The following DAB1 variants were observed in gnomAD, a reference collection of about 807,000 sequenced individuals.
The protein encoded by DAB1 is DAB adaptor protein 1, also known as disabled homolog 1.
Under a neutral mutation model 64.6 loss-of-function variants are expected in DAB1, and 15 were observed. The observed-to-expected ratio is 0.23, with a 90% confidence interval of 0.16 to 0.36. The LOEUF is 0.36. Ranked by LOEUF, DAB1 falls within the 10% of genes least tolerant of loss-of-function variation. The probability of loss-of-function intolerance (pLI) is 1.00; values close to 1 mark genes in which losing one functional copy is unlikely to be tolerated. For missense variants in DAB1, 596 were observed against 706.7 expected (o/e 0.84, Z 1.78); for synonymous variants, 235 against 251.9 (o/e 0.93, Z 0.64).
chr1:57,614,755 G>A (rs746186437), intron 7 of DAB1, among the ~76,000 whole-genome samples: 2 of 151,790 alleles, frequency 1.3e-5, no homozygotes, highest in Non-Finnish European at 2.9e-5. Flanking sequence ...TAGGGCTAGC[G>A]ACCACTGGTT....
In DAB1 at chr1:57,929,955, G is replaced by A. The variant is rs149070847; in HGVS notation, n.388-45793C>T. ...TGCCCTTCCCAATATTCCACACTGG[G>A]GACTAAATTTCAACTTGAGGTTTGG... On this transcript the variant is annotated intron_variant and non_coding_transcript_variant, in intron 5 of 20. Coordinates refer to the DAB1 transcript ENST00000485760. Among the ~76,000 whole-genome samples the A allele has an allele frequency of 2.0e-5, 3 of 152,120 alleles. No homozygotes were observed. In the East Asian group the frequency reaches 5.8e-4, roughly 29 times the overall value.
At chr1:57,559,376 C>A (rs1375059464) in intron 7 of DAB1, among the ~76,000 whole-genome samples, 2 of 152,202 alleles carry the variant, frequency 1.3e-5, no homozygotes, top group Admixed American at 6.5e-5. Flanking sequence ...GAGGCCGGGT[C>A]CCCTTGAGGA....
In DAB1 at chr1:57,818,226, A is replaced by G. The variant is rs577817404; in HGVS notation, n.551+65773T>C. The stretch of plus-strand genomic sequence containing the variant: ...AGGCATTTGGAAATAGAAATATCAA[A>G]ATGATTGAGTAAGATATAAAAATGC... On this transcript the variant is annotated intron_variant and non_coding_transcript_variant, in intron 6 of 20. Transcript: ENST00000485760. Among the ~76,000 whole-genome samples the G allele has an allele frequency of 2.6e-5, 4 of 152,314 alleles. No homozygotes were observed. The East Asian group carries it at 5.8e-4, about 22-fold the overall frequency.
At chr1:57,125,086 A>T (rs1295504762) in intron 4 of DAB1, among the ~76,000 whole-genome samples, 2 of 152,214 alleles carry the variant, frequency 1.3e-5, no homozygotes, top group Admixed American at 1.3e-4. Context: ...AGAAGATTTG[A>T]CAACCCCAAG....
intron 3 of DAB1, among the ~76,000 whole-genome samples, chr1:58,421,980 G>T (rs1198059917): frequency 1.3e-5 from 2 of 150,746 alleles, no homozygotes; most frequent in African/African-American, 2.4e-5. Context: ...TTCTCTTTGG[G>T]TGCTATTAAG....
intron 6 of DAB1, among the ~76,000 whole-genome samples, chr1:57,742,114 C>T (rs901494098): frequency 1.3e-5 from 2 of 152,028 alleles, no homozygotes; most frequent in Admixed American, 6.5e-5. Context: ...CCTTATATGA[C>T]CCTTAGATGA....
intron 2 of DAB1, among the ~76,000 whole-genome samples, chr1:57,252,977 A>G (rs1669466031): frequency 6.6e-6 from 1 of 152,248 alleles, no homozygotes; most frequent in Admixed American, 6.5e-5. Context: ...AGAGGCCAGC[A>G]GTCCATACAA....
At chr1:57,071,668 C>A (rs1230622135) in intron 5 of DAB1, 27 bp from the exon 6 acceptor site, 3 of 1,609,404 alleles carry the variant, frequency 1.9e-6, no homozygotes, top group South Asian at 2.2e-5. Flanking sequence ...TAAGGCACAT[C>A]ATAAGGGAAT....
Position 57,072,351 on chromosome 1 carries a change from G to C in DAB1, c.370C>G (p.Arg124Gly). 1 of 1,613,812 alleles carries C rather than the reference G, an allele frequency of 6.2e-7. No individual in the cohort carries two copies. Among genetic ancestry groups the C allele is most frequent in the Non-Finnish European group, 8.5e-7 (1 of 1,179,780 alleles). The change falls in exon 5 of 15, where the codon CGG (arginine) becomes GGG (glycine). Residue 124 changes from arginine to glycine, a missense_variant. This residue lies in a region of DAB1 where 176 missense variants were observed against 266.7 expected (regional missense o/e 0.66). Coordinates refer to ENST00000371236, the MANE Select transcript of DAB1 (RefSeq NM_001365792.1). Reference sequence around the variant, plus strand: ...TTCCCACAAACATATCCAAAGGCCCGGTGATCTGTAATGTCCTTTGCAATG... The same window carrying C: ...TTCCCACAAACATATCCAAAGGCCCCGTGATCTGTAATGTCCTTTGCAATG... ...SYIAKDITDH[R>G]AFGYVCGKEG...
At chr1:57,236,890 A>G (rs766328411) in intron 2 of DAB1, among the ~76,000 whole-genome samples, 26 of 152,210 alleles carry the variant, frequency 1.7e-4, no homozygotes, top group Non-Finnish European at 3.7e-4. Flanking sequence ...CTCCATCGTG[A>G]GGGAAATATT....
At chr1:57,190,542 C>T (rs533847423) in intron 2 of DAB1, among the ~76,000 whole-genome samples, 68 of 152,306 alleles carry the variant, frequency 4.5e-4, no homozygotes, top group Non-Finnish European at 8.2e-4. Flanking sequence ...AAGCTCCAGC[C>T]TGTTCAGGTG....
chr1:57,914,123 C>T (rs1173520689), intron 5 of DAB1, among the ~76,000 whole-genome samples: 2 of 152,172 alleles, frequency 1.3e-5, no homozygotes, highest in Non-Finnish European at 2.9e-5. Flanking sequence ...ATAAATCATG[C>T]TGCTACAAAG....
At chr1:58,342,487 A>G (rs1643950913) in intron 4 of DAB1, among the ~76,000 whole-genome samples, 1 of 152,198 alleles carries the variant, frequency 6.6e-6, no homozygotes. Context: ...AGCAAAATAC[A>G]GCAACATAAC....
chr1:58,245,515 T>C lies in DAB1; in HGVS notation n.310-94927A>G, dbSNP rs563992151. On this transcript the variant is annotated intron_variant and non_coding_transcript_variant, in intron 4 of 20. Transcript: ENST00000485760. ...AAGCTCTGAGCAAATATAGGGCATA[T>C]GAAGCCGAGTTAGATGCCCTGCCTC... Among the ~76,000 whole-genome samples, 13 of 152,306 alleles carry C rather than the reference T, an allele frequency of 8.5e-5. No individual in the cohort carries two copies. In the South Asian group the frequency reaches 2.3e-3, roughly 27 times the overall value.
chr1:58,050,781 G>A (rs531738701), intron 5 of DAB1, among the ~76,000 whole-genome samples: 116 of 152,084 alleles, frequency 7.6e-4, no homozygotes, highest in African/African-American at 2.7e-3. Context: ...CGCCCGCCTC[G>A]GCCTCCCAAA....
chr1:57,624,711 G>T (rs935576926), intron 7 of DAB1, among the ~76,000 whole-genome samples: 2 of 152,128 alleles, frequency 1.3e-5, no homozygotes, highest in Non-Finnish European at 2.9e-5. Flanking sequence ...CATTAACAAA[G>T]CCATATATAC....
At chr1:57,920,456 G>C (rs1644791741) in intron 5 of DAB1, among the ~76,000 whole-genome samples, 1 of 152,080 alleles carries the variant, frequency 6.6e-6, no homozygotes, top group Admixed American at 6.5e-5. Flanking sequence ...GGTGAGTACA[G>C]GTGTGCACCA....
chr1:57,100,970 G>A (rs143067747), intron 4 of DAB1, among the ~76,000 whole-genome samples: 17 of 152,122 alleles, frequency 1.1e-4, no homozygotes, highest in Admixed American at 2.6e-4. Flanking sequence ...TCCCATCATC[G>A]CCATGAGGCA....
chr1:57,431,650 T>C (rs1280411527), intron 7 of DAB1, among the ~76,000 whole-genome samples: 2 of 152,198 alleles, frequency 1.3e-5, no homozygotes, highest in African/African-American at 2.4e-5. Context: ...ACACTGGCAA[T>C]TGTATTTATG....
Sources: gnomAD v4.1 joint callset for allele counts (sites outside exome capture counted in the v4.1 genomes callset) on GRCh38, gnomAD v4.1.1 for gene constraint, gnomAD v4.1.1 regional missense constraint, MANE v1.5 for transcripts, NCBI Gene and HGNC (gene_info 2026-07-23, HGNC 2026-07-21) for gene names.